The following ROCK1 variants were observed in gnomAD, a reference collection of about 807,000 sequenced individuals.
ROCK1 encodes the protein Rho associated coiled-coil containing protein kinase 1, also known as rho-associated protein kinase 1.
A neutral mutation model predicts 196.8 loss-of-function variants in ROCK1; 36 were observed. The ratio of observed to expected loss-of-function variants is 0.18; its 90% CI spans 0.14 to 0.24. The LOEUF (loss-of-function observed/expected upper bound fraction) is 0.24. Ranked by LOEUF, ROCK1 falls within the 10% of genes least tolerant of loss-of-function variation. ROCK1 has a pLI of 1.00. For missense variants in ROCK1, 920 were observed against 1,562.0 expected, an observed-to-expected ratio of 0.59 and a Z score of 6.93; for synonymous variants, 443 against 515.9, an observed-to-expected ratio of 0.86 and a Z score of 1.91.
At chr18:21,059,270 T>C (rs557734792) in intron 2 of ROCK1, among the ~76,000 whole-genome samples, 220 of 152,318 alleles carry the variant, frequency 1.4e-3, no homozygotes, top group Admixed American at 2.5e-3. Flanking sequence ...CCACCTTATC[T>C]GACCAAGTTA....
At chr18:20,964,033 T>C (rs897082080) in intron 27 of ROCK1, among the ~76,000 whole-genome samples, 22 of 152,160 alleles carry the variant, frequency 1.4e-4, no homozygotes, top group African/African-American at 4.3e-4. Flanking sequence ...GGCTGCGTTC[T>C]AGATGTGCAA....
intron 21 of ROCK1, among the ~76,000 whole-genome samples, chr18:20,981,059 A>G (rs9966660): frequency 0.042 from 6,433 of 151,906 alleles, 453 homozygotes; most frequent in African/African-American, 0.15. Context: ...TTCTGTTTTG[A>G]GGGGTGGGAT....
chr18:21,040,881 T>C lies in ROCK1; in HGVS notation c.959+1216A>G, dbSNP rs532674629. On this transcript the variant is annotated intron_variant, in intron 8 of 32. Coordinates refer to ENST00000399799, the MANE Select transcript of ROCK1 (RefSeq NM_005406.3). ...GGCTCACACCTGTAATCCCAGCACT[T>C]TGGGAGGCCAACGCAGGCAGATCAT... is the stretch of plus-strand genomic sequence containing the variant. Among the ~76,000 whole-genome samples the C allele has an allele frequency of 3.4e-3, 513 of 152,170 alleles. 2 individuals are homozygous for C. The highest frequency in any genetic ancestry group is 5.5e-3 in the Non-Finnish European group (372 of 67,974).
At chr18:21,098,969 A>G (rs1598562717) in intron 1 of ROCK1, among the ~76,000 whole-genome samples, 1 of 152,214 alleles carries the variant, frequency 6.6e-6, no homozygotes, top group Non-Finnish European at 1.5e-5. Flanking sequence ...AGACAATCCC[A>G]TATCATTACT....
intron 29 of ROCK1, among the ~76,000 whole-genome samples, chr18:20,958,685 T>C (rs2035270488): frequency 6.6e-6 from 1 of 150,622 alleles, no homozygotes; most frequent in Non-Finnish European, 1.5e-5. Context: ...AAAGTCCAAG[T>C]ATGCTCAAGG....
chr18:20,985,157 T>A (rs1426140992), intron 19 of ROCK1, among the ~76,000 whole-genome samples: 3 of 152,020 alleles, frequency 2.0e-5, no homozygotes, highest in Admixed American at 6.6e-5. Context: ...AATTTACCTG[T>A]CTACGTGCTC....
At chr18:21,024,941 TG>T (rs2035943445) in intron 10 of ROCK1, among the ~76,000 whole-genome samples, 2 of 152,230 alleles carry the variant, frequency 1.3e-5, no homozygotes, top group African/African-American at 4.8e-5. Flanking sequence ...ATTCTGCTTA[TG>T]TAATATAAAT....
chr18:21,111,124 A>C lies in ROCK1; in HGVS notation c.-214T>G. ...GCAACAGCGACCCACAGCCGCTCGGACGCCCAAAGTCGCATCCCACCCGGC... is the reference window on the plus strand; with the variant it reads ...GCAACAGCGACCCACAGCCGCTCGGCCGCCCAAAGTCGCATCCCACCCGGC... On this transcript the variant is annotated 5_prime_UTR_variant, in exon 1 of 33. Coordinates refer to ENST00000399799, the MANE Select transcript of ROCK1 (RefSeq NM_005406.3). The surrounding 1 kb of genome is among the most constrained non-coding windows in gnomAD (Gnocchi z 4.2). The C allele has an allele frequency of 1.7e-6, 1 of 576,408 alleles. No homozygotes were observed. Among genetic ancestry groups the C allele is most frequent in the East Asian group, 3.0e-5 (1 of 33,898 alleles). 35.7% of individuals were successfully genotyped at this position (576,408 alleles called of 1,614,324 possible). A position where few individuals can be genotyped will look rare whatever the true frequency, so the allele number is the denominator to read the frequency against.
At chr18:20,991,763 T>C (rs1042889175) in intron 17 of ROCK1, among the ~76,000 whole-genome samples, 2 of 151,434 alleles carry the variant, frequency 1.3e-5, no homozygotes, top group Non-Finnish European at 2.9e-5. Flanking sequence ...GCCTCTGGAG[T>C]GGCTAGTATT....
intron 1 of ROCK1, 73 bp downstream of exon 1, chr18:21,110,745 G>T (rs2036743586): frequency 8.2e-7 from 1 of 1,212,130 alleles, no homozygotes; most frequent in South Asian, 1.2e-5. Context: ...CTTTTGCAGC[G>T]AACCAGACTA....
rs34360056 is a variant in ROCK1 at position 21,045,899 on chromosome 18, G to GTTTT, written c.415-436_415-433dup. 9.8e-4 allele frequency among the ~76,000 whole-genome samples: 61 copies of GTTTT among 62,490 alleles called. 6 individuals are homozygous for GTTTT. The highest frequency in any genetic ancestry group is 1.9e-3 in the African/African-American group (27 of 14,362). 41.0% of individuals were successfully genotyped at this position (62,490 alleles called of 152,430 possible). A position where few individuals can be genotyped will look rare whatever the true frequency, so the allele number is the denominator to read the frequency against. ...ATAAATTTGGCTTACAGTTTCAGCT[G>GTTTT]TTTTTTTTTTTTTTTTTTTTTTTTT... On this transcript the variant is annotated intron_variant, in intron 4 of 32. Transcript: ENST00000399799.
Position 20,954,812 on chromosome 18 carries a change from T to A in ROCK1, c.3824A>T (p.Lys1275Met). Residue 1275 changes from lysine (K) to methionine (M), a missense_variant, in exon 31 of 33, where the codon AAG (lysine) becomes ATG (methionine). This residue lies in a region of ROCK1 where 49 missense variants were observed against 180.4 expected (regional missense o/e 0.27). Coordinates refer to ENST00000399799, the MANE Select transcript of ROCK1 (RefSeq NM_005406.3). ...HVKCHRDHLDKKEDLICPCKV... is the reference protein window; with the variant it reads ...HVKCHRDHLDMKEDLICPCKV... ...ACATGGACAAATTAAGTCCTCTTTC[T>A]TATCTAAGTGATCTCTGTGGCACTT... 1 of 1,612,104 alleles carries A rather than the reference T, an allele frequency of 6.2e-7. No homozygotes were observed.
At chr18:20,970,236 G>T (rs2035413417) in intron 23 of ROCK1, 112 bp downstream of exon 23, 1 of 712,480 alleles carries the variant, frequency 1.4e-6, no homozygotes, top group African/African-American at 1.8e-5. Context: ...TGACCACTAT[G>T]TATTAACATA....
chr18:21,070,474 A>AT, intron 2 of ROCK1, 58 bp downstream of exon 2: 1 of 884,290 alleles, frequency 1.1e-6, no homozygotes, highest in South Asian at 1.7e-5. Context: ...CTTGAATGAC[A>AT]TAAGTGAAAA....
At chr18:21,034,953 T>C (rs1198748351) in intron 9 of ROCK1, among the ~76,000 whole-genome samples, 1 of 152,084 alleles carries the variant, frequency 6.6e-6, no homozygotes, top group Non-Finnish European at 1.5e-5. Context: ...CACCAAATTT[T>C]AAAATGGGCA....
intron 21 of ROCK1, among the ~76,000 whole-genome samples, chr18:20,982,173 T>C (rs1050767081): frequency 6.6e-6 from 1 of 152,228 alleles, no homozygotes; most frequent in Non-Finnish European, 1.5e-5. Context: ...ATGCTACCGA[T>C]CACTTTGCAG....
intron 29 of ROCK1, among the ~76,000 whole-genome samples, chr18:20,959,330 G>A (rs975952190): frequency 6.9e-6 from 1 of 144,996 alleles, no homozygotes; most frequent in Non-Finnish European, 1.5e-5. Context: ...TCCTGCCTCA[G>A]CCTTCTGAGT....
At chr18:21,001,805 A>G (rs1247044802) in intron 16 of ROCK1, among the ~76,000 whole-genome samples, 1 of 151,922 alleles carries the variant, frequency 6.6e-6, no homozygotes, top group East Asian at 1.9e-4. Context: ...AGGCTATGAG[A>G]AAAAACCCAC....
At chr18:21,072,339 G>T (rs1371138772) in intron 1 of ROCK1, among the ~76,000 whole-genome samples, 1 of 152,070 alleles carries the variant, frequency 6.6e-6, no homozygotes, top group African/African-American at 2.4e-5. Flanking sequence ...CCTTTATTAG[G>T]GAAATAAAGT....
Sources: gnomAD v4.1 joint callset for allele counts (sites outside exome capture counted in the v4.1 genomes callset) on GRCh38, gnomAD v4.1.1 for gene constraint, gnomAD v4.1.1 regional missense constraint, Gnocchi (gnomAD v3.1) non-coding constraint, MANE v1.5 for transcripts, NCBI Gene and HGNC (gene_info 2026-07-23, HGNC 2026-07-21) for gene names.